THEMIS: variants seen among roughly 807,000 people sequenced by gnomAD.
THEMIS encodes thymocyte selection associated.
THEMIS carries 37 observed loss-of-function variants against 52.6 expected under a neutral mutation model. That is an observed-to-expected ratio of 0.70 (90% CI 0.54 to 0.93). The LOEUF is 0.93. THEMIS is among the 40% of genes least tolerant of loss of function. The pLI is 0.00. For missense variants in THEMIS, 808 were observed against 763.1 expected (o/e 1.06, Z -0.69); for synonymous variants, 292 against 272.7 (o/e 1.07, Z -0.70).
chr6:127,881,883 T>A (rs911703798), intron 1 of THEMIS, among the ~76,000 whole-genome samples: 6 of 151,740 alleles, frequency 4.0e-5, no homozygotes, highest in African/African-American at 1.4e-4. Context: ...TCTTTATTTT[T>A]AAAAATATAA....
chr6:127,779,375 A>AT (rs989918575), intron 4 of THEMIS, among the ~76,000 whole-genome samples: 28 of 152,244 alleles, frequency 1.8e-4, no homozygotes, highest in African/African-American at 6.7e-4. Flanking sequence ...TTTATGCATT[A>AT]TTTTCCAGAG....
intron 4 of THEMIS, among the ~76,000 whole-genome samples, chr6:127,767,056 C>T (rs1234602712): frequency 2.0e-5 from 3 of 151,958 alleles, no homozygotes; most frequent in African/African-American, 7.2e-5. Context: ...ACTTAAAATG[C>T]AAATATGCTG....
intron 4 of THEMIS, among the ~76,000 whole-genome samples, chr6:127,746,723 A>G (rs1452262318): frequency 9.5e-6 from 1 of 104,774 alleles, no homozygotes; most frequent in Non-Finnish European, 1.8e-5. Flanking sequence ...ATAATTATAT[A>G]TTATTATATA....
At chr6:127,772,307 A>AT (rs995550927) in intron 4 of THEMIS, among the ~76,000 whole-genome samples, 149 of 151,984 alleles carry the variant, frequency 9.8e-4, no homozygotes, top group African/African-American at 3.4e-3. Flanking sequence ...TAATTAAAAT[A>AT]TTTTTTTCAT....
At chr6:127,783,243 A>T (rs1384936274) in intron 4 of THEMIS, among the ~76,000 whole-genome samples, 1 of 152,234 alleles carries the variant, frequency 6.6e-6, no homozygotes, top group Non-Finnish European at 1.5e-5. Flanking sequence ...TTAACTCAAC[A>T]TGGATTAAAG....
At chr6:127,711,676 C>G (rs1336887861) in intron 5 of THEMIS, among the ~76,000 whole-genome samples, 2 of 151,960 alleles carry the variant, frequency 1.3e-5, no homozygotes, top group Non-Finnish European at 2.9e-5. Context: ...GATATAAGAA[C>G]ACAAGATTTT....
chr6:127,702,988 CTTTATG>C, the THEMIS span, among the ~76,000 whole-genome samples: 1 of 132,804 alleles, frequency 7.5e-6, no homozygotes, highest in Admixed American at 7.7e-5. Flanking sequence ...ATTTCTAGCA[CTTTATG>C]TTTATTTTGT....
At chr6:127,713,334 T>C (rs1774046087) in intron 5 of THEMIS, among the ~76,000 whole-genome samples, 1 of 151,874 alleles carries the variant, frequency 6.6e-6, no homozygotes, top group African/African-American at 2.4e-5. Flanking sequence ...GCAACTGTTT[T>C]TGCATACAGA....
rs959054802 is a variant in THEMIS, at chr6:127,757,544, G to A, written c.1759-37721C>T. On this transcript the variant is annotated intron_variant, in intron 4 of 5. Transcript: ENST00000368248. ...GTCGCCCAGGCTGGAGTGCAGTGGC[G>A]CTATCTCGGCTCACTGCAAGCTCTG... Among the ~76,000 whole-genome samples the A allele has an allele frequency of 3.3e-5, 5 of 151,612 alleles. 1 individual carries two copies. Among genetic ancestry groups the A allele is most frequent in the East Asian group, 3.9e-4 (2 of 5,150 alleles).
chr6:127,911,048 A>G (rs1304732366), intron 1 of THEMIS, among the ~76,000 whole-genome samples: 1 of 151,686 alleles, frequency 6.6e-6, no homozygotes. Context: ...ACCTTGGGTT[A>G]TGGGTTTGGG....
chr6:127,837,055 A>T (rs1316499570), intron 2 of THEMIS, among the ~76,000 whole-genome samples: 2 of 152,146 alleles, frequency 1.3e-5, no homozygotes, highest in Non-Finnish European at 2.9e-5. Flanking sequence ...AAGATAAACA[A>T]ATTGGGGTTT....
chr6:127,805,454 A>G (rs1319641361), intron 4 of THEMIS, among the ~76,000 whole-genome samples: 1 of 152,004 alleles, frequency 6.6e-6, no homozygotes, highest in Non-Finnish European at 1.5e-5. Flanking sequence ...TTTGTCTATG[A>G]ATTTTTAAAG....
chr6:127,711,682 A>T (rs1024618726), intron 5 of THEMIS, among the ~76,000 whole-genome samples: 3 of 152,048 alleles, frequency 2.0e-5, no homozygotes, highest in Admixed American at 2.0e-4. Context: ...AGAACACAAG[A>T]TTTTTAGGCA....
intron 1 of THEMIS, among the ~76,000 whole-genome samples, chr6:127,868,090 AG>A (rs1218353543): frequency 6.6e-6 from 1 of 152,208 alleles, no homozygotes; most frequent in African/African-American, 2.4e-5. Context: ...AAATAAAGAT[AG>A]TGCCTCAACT....
At chr6:127,812,744 T>C in intron 4 of THEMIS, 139 bp downstream of exon 4, 1 of 801,026 alleles carries the variant, frequency 1.2e-6, no homozygotes, top group East Asian at 2.5e-5. Context: ...TGTTCATTCA[T>C]CTACTGCACA....
chr6:127,712,398 T>C (rs1296011975), intron 5 of THEMIS, among the ~76,000 whole-genome samples: 1 of 151,946 alleles, frequency 6.6e-6, no homozygotes, highest in Non-Finnish European at 1.5e-5. Context: ...CCACATTGAA[T>C]AGAAACTGTG....
intron 1 of THEMIS, among the ~76,000 whole-genome samples, chr6:127,873,275 G>C (rs79223257): frequency 2.6e-5 from 4 of 152,140 alleles, no homozygotes; most frequent in Non-Finnish European, 5.9e-5. Context: ...ATTTTTTGTA[G>C]GTATAGATGA....
intron 5 of THEMIS, among the ~76,000 whole-genome samples, chr6:127,717,203 A>C (rs569996906): frequency 0.049 from 3,448 of 70,812 alleles, 74 homozygotes; most frequent in Non-Finnish European, 0.11. Context: ...ATAATCTTCA[A>C]AAAAAAAAAG....
chr6:127,835,179 G>C (rs1049332799), intron 2 of THEMIS, among the ~76,000 whole-genome samples: 3 of 152,112 alleles, frequency 2.0e-5, no homozygotes, highest in South Asian at 2.1e-4. Flanking sequence ...GCATTGTTAA[G>C]AGGATCTTCA....
Sources: allele counts gnomAD v4.1 joint callset (sites outside exome capture counted in the v4.1 genomes callset), GRCh38; gene constraint gnomAD v4.1.1; transcripts MANE v1.5; gene names NCBI Gene and HGNC (gene_info 2026-07-23, HGNC 2026-07-21).